Variants in AGBL2 observed in about 807,000 individuals in gnomAD.
AGBL2 encodes AGBL carboxypeptidase 2, also known as cytosolic carboxypeptidase 2.
AGBL2 carries 87 observed loss-of-function variants against 103.0 expected under a neutral mutation model. The observed-to-expected ratio is 0.84, with a 90% CI of 0.71 to 1.01. The LOEUF (loss-of-function observed/expected upper bound fraction) is 1.01, where lower values mean the gene tolerates loss of function less well. Among genes scored for constraint, AGBL2 ranks in the 50% least tolerant of loss-of-function variants. The probability of loss-of-function intolerance (pLI) is 0.00; values close to 1 mark genes in which losing one functional copy is unlikely to be tolerated. For synonymous variants in AGBL2, 335 were observed against 356.7 expected (o/e 0.94, Z 0.69); for missense variants, 904 against 1,023.5 (o/e 0.88, Z 1.59).
At chr11:47,683,840 T>C (rs191347767) in intron 11 of AGBL2, among the ~76,000 whole-genome samples, 1 of 151,278 alleles carries the variant, frequency 6.6e-6, no homozygotes, top group East Asian at 1.9e-4. Context: ...CCCAGCACTT[T>C]GGGAGGCTGA....
chr11:47,664,890 T>A (rs10450571), intron 17 of AGBL2, among the ~76,000 whole-genome samples: 66,824 of 144,552 alleles, frequency 0.46, 15,600 homozygotes, highest in South Asian at 0.55. Flanking sequence ...TTTTTTTTTT[T>A]TTTTAATTTT....
chr11:47,687,807 C>CTTTTTTTT (rs369461728), intron 10 of AGBL2, among the ~76,000 whole-genome samples: 7 of 138,554 alleles, frequency 5.1e-5, no homozygotes, highest in Non-Finnish European at 6.2e-5. Flanking sequence ...TTCTTTCTTT[C>CTTTTTTTT]TTTTTTTTTT....
At chr11:47,671,902 C>G (rs145698408) in intron 14 of AGBL2, among the ~76,000 whole-genome samples, 1 of 152,310 alleles carries the variant, frequency 6.6e-6, no homozygotes, top group Non-Finnish European at 1.5e-5. Context: ...TCAAACTGGG[C>G]TTGTACACTC....
intron 13 of AGBL2, among the ~76,000 whole-genome samples, chr11:47,678,338 A>ATTATTTTTTTTT (rs1565026654): frequency 6.5e-4 from 62 of 95,152 alleles, no homozygotes; most frequent in Non-Finnish European, 1.0e-3. Flanking sequence ...TTATTTTATT[A>ATTATTTTTTTTT]TTTTATTTTT....
chr11:47,695,816 G>T (rs1478169911), intron 8 of AGBL2, among the ~76,000 whole-genome samples: 1 of 151,272 alleles, frequency 6.6e-6, no homozygotes, highest in Non-Finnish European at 1.5e-5. Context: ...TTCCTCTTCT[G>T]TTTTCAGAGT....
Position 47,686,057 on chromosome 11 carries a change from G to T in AGBL2, c.1632-8C>A, listed in dbSNP as rs1226438218. 1 of 1,613,150 alleles carries T rather than the reference G, an allele frequency of 6.2e-7. No individual in the cohort carries two copies. The highest frequency in any genetic ancestry group is 8.5e-7 in the Non-Finnish European group (1 of 1,179,760). On this transcript the variant is annotated splice_region_variant and splice_polypyrimidine_tract_variant and intron_variant, in intron 10 of 18. Transcript: ENST00000525123. ...TCTCTTTCTTCAAGAAGTCTATTGA[G>T]GGGGCAAACAAAGGACTCAGTGGAC...
At chr11:47,673,706 ATT>A (rs2097364532) in intron 14 of AGBL2, among the ~76,000 whole-genome samples, 1 of 147,756 alleles carries the variant, frequency 6.8e-6, no homozygotes, top group African/African-American at 2.5e-5. Flanking sequence ...AGGCAGGAGA[ATT>A]GCTTGAACCC....
chr11:47,666,362 A>C (rs1032022555), intron 17 of AGBL2, among the ~76,000 whole-genome samples: 1 of 150,918 alleles, frequency 6.6e-6, no homozygotes, highest in Non-Finnish European at 1.5e-5. Context: ...TCTGCACTCC[A>C]GCCTGGGTAA....
At chr11:47,661,195 T>TAAAAAA in intron 18 of AGBL2, among the ~76,000 whole-genome samples, 1 of 152,008 alleles carries the variant, frequency 6.6e-6, no homozygotes, top group Non-Finnish European at 1.5e-5. Flanking sequence ...GAAAATGAAC[T>TAAAAAA]AAAGATAAAG....
intron 14 of AGBL2, among the ~76,000 whole-genome samples, chr11:47,669,528 A>C (rs947366706): frequency 6.6e-6 from 1 of 151,898 alleles, no homozygotes; most frequent in Non-Finnish European, 1.5e-5. Context: ...AATACAAAAA[A>C]ATTATCTGGG....
chr11:47,675,888 C>T (rs2097373158), intron 14 of AGBL2, among the ~76,000 whole-genome samples: 1 of 152,044 alleles, frequency 6.6e-6, no homozygotes, highest in Non-Finnish European at 1.5e-5. Context: ...CACCTGTAGT[C>T]CCAGCTACTT....
intron 17 of AGBL2, among the ~76,000 whole-genome samples, chr11:47,665,152 A>G (rs1215601854): frequency 6.6e-6 from 1 of 151,666 alleles, no homozygotes; most frequent in Non-Finnish European, 1.5e-5. Context: ...GGTTCAAGCA[A>G]TTACTGTGAC....
chr11:47,689,052 C>A (rs1285657312), intron 10 of AGBL2, among the ~76,000 whole-genome samples: 1 of 152,012 alleles, frequency 6.6e-6, no homozygotes, highest in East Asian at 1.9e-4. Context: ...TTCTTATATG[C>A]TGTATTTTCA....
At chr11:47,671,102 T>C (rs2097355978) in intron 14 of AGBL2, among the ~76,000 whole-genome samples, 1 of 152,136 alleles carries the variant, frequency 6.6e-6, no homozygotes, top group Admixed American at 6.6e-5. Flanking sequence ...ACTTAAATAA[T>C]CAAACCTTTC....
intron 13 of AGBL2, among the ~76,000 whole-genome samples, chr11:47,678,343 A>ATTTTATTATTATTTTTTTTTTTTTTTTTT (rs2097385823): frequency 8.6e-6 from 1 of 116,762 alleles, no homozygotes; most frequent in Non-Finnish European, 1.9e-5. Context: ...TTATTATTTT[A>ATTTTATTATTATTTTTTTTTTTTTTTTTT]TTTTTTTTGA....
intron 17 of AGBL2, among the ~76,000 whole-genome samples, chr11:47,664,983 G>A (rs1383174921): frequency 6.6e-6 from 1 of 151,112 alleles, no homozygotes; most frequent in Non-Finnish European, 1.5e-5. Flanking sequence ...TCGGGCTCAA[G>A]CAATCCTCCT....
chr11:47,682,984 G>A (rs1046995951), intron 11 of AGBL2, among the ~76,000 whole-genome samples: 1 of 148,836 alleles, frequency 6.7e-6, no homozygotes, highest in African/African-American at 2.5e-5. Flanking sequence ...AGAAGGAAAA[G>A]AAGGAAAGAA....
Position 47,704,405 on chromosome 11 carries a change from C to A in AGBL2, c.586+138G>T. The stretch of plus-strand genomic sequence containing the variant: ...GGCTGAGGGAGGAGAATCCCTTGAA[C>A]CTGGGAGACAGAGGTTGCAGTGAGC... On this transcript the variant is annotated intron_variant, in intron 7 of 18. Coordinates refer to ENST00000525123, the MANE Select transcript of AGBL2 (RefSeq NM_024783.4). The A allele has an allele frequency of 2.1e-5, 14 of 679,512 alleles. No homozygotes were observed. The South Asian group carries it at 3.1e-4, about 15-fold the overall frequency. The allele number at this position is 679,512 out of a possible 1,614,324, so 42.1% of individuals were successfully genotyped here. A position where few individuals can be genotyped will look rare whatever the true frequency, so the allele number is the denominator to read the frequency against.
At chr11:47,676,718 C>G (rs2097376116) in intron 14 of AGBL2, among the ~76,000 whole-genome samples, 1 of 149,602 alleles carries the variant, frequency 6.7e-6, no homozygotes, top group Non-Finnish European at 1.5e-5. Flanking sequence ...ACTCGGGAGG[C>G]TGAGCCCGGA....
Sources: gnomAD v4.1 joint callset for allele counts (sites outside exome capture counted in the v4.1 genomes callset) on GRCh38, gnomAD v4.1.1 for gene constraint, MANE v1.5 for transcripts, NCBI Gene and HGNC (gene_info 2026-07-23, HGNC 2026-07-21) for gene names.